Variants in ZCCHC7 observed in about 807,000 individuals in gnomAD.
ZCCHC7 encodes zinc finger CCHC domain-containing protein 7.
ZCCHC7 carries 35 observed loss-of-function variants against 52.0 expected under a neutral mutation model. The ratio of observed to expected loss-of-function variants is 0.67; its 90% CI spans 0.51 to 0.89. The LOEUF (loss-of-function observed/expected upper bound fraction) is 0.89, where lower values mean the gene tolerates loss of function less well. ZCCHC7 is among the 40% of genes least tolerant of loss of function. ZCCHC7 has a pLI of 0.00. For synonymous variants in ZCCHC7, 217 were observed against 221.5 expected (o/e 0.98, Z 0.18); for missense variants, 574 against 649.1 (o/e 0.88, Z 1.26).
intron 2 of ZCCHC7, among the ~76,000 whole-genome samples, chr9:37,288,965 G>C (rs2133615027): frequency 6.6e-6 from 1 of 152,096 alleles, no homozygotes; most frequent in South Asian, 2.1e-4. Context: ...TCATAATCCA[G>C]TATCCAATGG....
At chr9:37,182,445 G>C (rs1822412670) in intron 2 of ZCCHC7, among the ~76,000 whole-genome samples, 1 of 151,328 alleles carries the variant, frequency 6.6e-6, no homozygotes, top group Admixed American at 6.6e-5. Flanking sequence ...GCTCACTGCA[G>C]CCTCCGCCTC....
At chr9:37,320,146 T>C (rs1829992975) in intron 5 of ZCCHC7, among the ~76,000 whole-genome samples, 1 of 152,164 alleles carries the variant, frequency 6.6e-6, no homozygotes, top group Non-Finnish European at 1.5e-5. Flanking sequence ...GGCACTGTGT[T>C]GGCTCACTGC....
chr9:37,190,954 G>A (rs573175580), intron 2 of ZCCHC7, among the ~76,000 whole-genome samples: 2 of 151,894 alleles, frequency 1.3e-5, no homozygotes, highest in African/African-American at 2.4e-5. Context: ...CCCGGGAGGC[G>A]GAGGTTGCGG....
chr9:37,132,466 C>T (rs60982236), intron 2 of ZCCHC7, among the ~76,000 whole-genome samples: 21,787 of 152,176 alleles, frequency 0.14, 1,781 homozygotes, highest in Non-Finnish European at 0.17. Context: ...CTATCTATAA[C>T]TCTGTGCCCC....
chr9:37,287,856 C>T (rs1828329635), intron 2 of ZCCHC7, among the ~76,000 whole-genome samples: 1 of 151,064 alleles, frequency 6.6e-6, no homozygotes, highest in African/African-American at 2.4e-5. Flanking sequence ...CTTTTTTGCT[C>T]CATAAAAGTA....
chr9:37,243,220 T>C (rs1046150060), intron 2 of ZCCHC7, among the ~76,000 whole-genome samples: 1 of 151,842 alleles, frequency 6.6e-6, no homozygotes, highest in Non-Finnish European at 1.5e-5. Flanking sequence ...TTGAAATTTA[T>C]ATATATTTGT....
intron 2 of ZCCHC7, among the ~76,000 whole-genome samples, chr9:37,179,656 G>A (rs1312138759): frequency 6.6e-6 from 1 of 152,050 alleles, no homozygotes; most frequent in East Asian, 1.9e-4. Flanking sequence ...GAAATTGATG[G>A]CTGTCGAGTA....
intron 2 of ZCCHC7, among the ~76,000 whole-genome samples, chr9:37,278,814 T>C (rs1191518904): frequency 2.0e-5 from 3 of 152,142 alleles, no homozygotes; most frequent in African/African-American, 7.2e-5. Context: ...TGGGGAAAGC[T>C]GGGAATCAAG....
At chr9:37,178,163 C>T (rs534163267) in intron 2 of ZCCHC7, among the ~76,000 whole-genome samples, 1 of 152,184 alleles carries the variant, frequency 6.6e-6, no homozygotes, top group African/African-American at 2.4e-5. Context: ...GTAATTAAAA[C>T]ACCATGCTGA....
chr9:37,219,088 T>A (rs979667764), intron 2 of ZCCHC7, among the ~76,000 whole-genome samples: 2 of 152,034 alleles, frequency 1.3e-5, no homozygotes, highest in African/African-American at 4.8e-5. Flanking sequence ...AAGATTGGGA[T>A]TCTGCTTAAG....
At chr9:37,206,756 T>C (rs1823939001) in intron 2 of ZCCHC7, among the ~76,000 whole-genome samples, 1 of 152,126 alleles carries the variant, frequency 6.6e-6, no homozygotes. Context: ...ATTACGTAGA[T>C]GGGGTCTGGT....
chr9:37,273,852 A>T (rs900802914), intron 2 of ZCCHC7, among the ~76,000 whole-genome samples: 8 of 151,844 alleles, frequency 5.3e-5, no homozygotes, highest in African/African-American at 1.9e-4. Flanking sequence ...ATATGTGGGA[A>T]TTTTTTTTAT....
chr9:37,157,365 C>T (rs957694719), intron 2 of ZCCHC7, among the ~76,000 whole-genome samples: 5 of 152,024 alleles, frequency 3.3e-5, no homozygotes, highest in Non-Finnish European at 7.4e-5. Context: ...TGGTGCTTGC[C>T]TGTAGTCCCA....
At chr9:37,187,786 ATT>A (rs1301744789) in intron 2 of ZCCHC7, among the ~76,000 whole-genome samples, 1 of 146,766 alleles carries the variant, frequency 6.8e-6, no homozygotes, top group East Asian at 2.0e-4. Context: ...TACAGATGCA[ATT>A]TTTTTTTTTT....
intron 2 of ZCCHC7, among the ~76,000 whole-genome samples, chr9:37,285,012 TTAAG>T (rs1828142369): frequency 6.6e-6 from 1 of 152,220 alleles, no homozygotes; most frequent in African/African-American, 2.4e-5. Flanking sequence ...AAAAAGTTTC[TTAAG>T]TGTTTCATTC....
chr9:37,237,369 G>T lies in ZCCHC7; in HGVS notation c.611-64819G>T, dbSNP rs140016142. ...ACTCTCTATGCTATCTTTCTAGCAA[G>T]ACTTAAGGTTTCATGAATAGATAGT... On this transcript the variant is annotated intron_variant, in intron 2 of 8. Coordinates refer to ENST00000336755, the MANE Select transcript of ZCCHC7 (RefSeq NM_032226.3). 3.9e-5 allele frequency among the ~76,000 whole-genome samples: 6 copies of T among 152,288 alleles called. No individual in the cohort carries two copies. In the East Asian group the frequency reaches 9.6e-4, roughly 24 times the overall value.
intron 6 of ZCCHC7, among the ~76,000 whole-genome samples, chr9:37,347,356 T>C (rs1238351357): frequency 6.6e-6 from 1 of 152,210 alleles, no homozygotes; most frequent in Non-Finnish European, 1.5e-5. Flanking sequence ...CTCCTACAAC[T>C]TCCATTCAAT....
chr9:37,204,432 G>C (rs1362687774), intron 2 of ZCCHC7, among the ~76,000 whole-genome samples: 1 of 152,034 alleles, frequency 6.6e-6, no homozygotes, highest in African/African-American at 2.4e-5. Flanking sequence ...GGGTTTTTAT[G>C]GTTTTGTGTT....
intron 2 of ZCCHC7, among the ~76,000 whole-genome samples, chr9:37,288,898 C>T (rs1828391896): frequency 6.6e-6 from 1 of 152,172 alleles, no homozygotes. Context: ...ATACCATCTC[C>T]ATGCCATAAT....
Sources: allele counts gnomAD v4.1 joint callset (sites outside exome capture counted in the v4.1 genomes callset), GRCh38; gene constraint gnomAD v4.1.1; transcripts MANE v1.5; gene names NCBI Gene and HGNC (gene_info 2026-07-23, HGNC 2026-07-21).